Variants in FHIP1A observed in about 807,000 individuals in gnomAD.
FHIP1A encodes FHF complex subunit HOOK-interacting protein 1A.
Under a neutral mutation model 88.6 loss-of-function variants are expected in FHIP1A, and 61 were observed. The observed-to-expected ratio is 0.69, with a 90% CI of 0.56 to 0.85. FHIP1A has a LOEUF of 0.85. Among genes scored for constraint, FHIP1A ranks in the 40% least tolerant of loss-of-function variants. FHIP1A has a pLI of 0.00. For synonymous variants in FHIP1A, 478 were observed against 496.0 expected (o/e 0.96, Z 0.48); for missense variants, 1,154 against 1,273.5 (o/e 0.91, Z 1.43).
In FHIP1A at chr4:151,656,709, G is replaced by A; in HGVS notation, c.2731-51G>A. 6.6e-7 allele frequency: 1 copy of A among 1,520,096 alleles called. No individual in the cohort carries two copies. The highest frequency in any genetic ancestry group is 2.5e-5 in the East Asian group (1 of 40,596). The allele number at this position is 1,520,096 out of a possible 1,614,324, so 94.2% of individuals were successfully genotyped here. ...ACCTGCAAGATATATTGATAACTGG[G>A]AGTGGAATTTCATGGTGAGGCATTA... is the stretch of plus-strand genomic sequence containing the variant. On this transcript the variant is annotated intron_variant, in intron 12 of 13. Transcript: ENST00000435205. The surrounding 1 kb of genome is among the most constrained non-coding windows in gnomAD (Gnocchi z 4.2).
intron 2 of FHIP1A, among the ~76,000 whole-genome samples, chr4:151,468,791 C>T (rs1024671026): frequency 6.6e-6 from 1 of 151,360 alleles, no homozygotes; most frequent in African/African-American, 2.4e-5. Context: ...AATTATAGAC[C>T]TTTCAGCCGC....
chr4:151,620,284 C>G (rs1375855158), intron 7 of FHIP1A, among the ~76,000 whole-genome samples: 1 of 152,196 alleles, frequency 6.6e-6, no homozygotes, highest in African/African-American at 2.4e-5. Context: ...CTGTGTCCAC[C>G]CACAGGAAGA....
chr4:151,498,831 T>C (rs116328985), intron 3 of FHIP1A, among the ~76,000 whole-genome samples: 2,199 of 152,082 alleles, frequency 0.014, 49 homozygotes, highest in African/African-American at 0.051. Flanking sequence ...AGAAAAAAAA[T>C]ATATGAAATA....
At chr4:151,476,695 G>C (rs1729721080) in intron 2 of FHIP1A, among the ~76,000 whole-genome samples, 1 of 152,014 alleles carries the variant, frequency 6.6e-6, no homozygotes, top group Non-Finnish European at 1.5e-5. Context: ...TCAGAAAGGA[G>C]GTAAATGAAT....
intron 1 of FHIP1A, among the ~76,000 whole-genome samples, chr4:151,427,790 A>G (rs1733441456): frequency 6.6e-6 from 1 of 152,150 alleles, no homozygotes; most frequent in Non-Finnish European, 1.5e-5. Flanking sequence ...ATACAGATAT[A>G]AAATGACTTT....
chr4:151,522,423 T>G (rs914198124), intron 3 of FHIP1A, among the ~76,000 whole-genome samples: 4 of 152,236 alleles, frequency 2.6e-5, no homozygotes, highest in African/African-American at 9.6e-5. Context: ...TGAAATGATT[T>G]CTCCTTTCTC....
At chr4:151,619,864 G>C (rs760130070) in intron 7 of FHIP1A, among the ~76,000 whole-genome samples, 6 of 152,120 alleles carry the variant, frequency 3.9e-5, no homozygotes, top group Non-Finnish European at 8.8e-5. Context: ...TTACATTACA[G>C]AAAACTCCCT....
chr4:151,424,957 T>G (rs188203234), intron 1 of FHIP1A, among the ~76,000 whole-genome samples: 1 of 152,340 alleles, frequency 6.6e-6, no homozygotes, highest in African/African-American at 2.4e-5. Flanking sequence ...ATAATAGATT[T>G]AGAGAATGGA....
At chr4:151,638,515 T>C (rs762194433) in intron 8 of FHIP1A, among the ~76,000 whole-genome samples, 162 bp from the exon 9 acceptor site, 1 of 151,674 alleles carries the variant, frequency 6.6e-6, no homozygotes, top group African/African-American at 2.4e-5. Context: ...AGAATTGATA[T>C]CCTGAATACA....
chr4:151,645,765 A>G (rs1242008909), intron 9 of FHIP1A, among the ~76,000 whole-genome samples: 3 of 151,928 alleles, frequency 2.0e-5, no homozygotes, highest in Non-Finnish European at 4.4e-5. Flanking sequence ...AAGTCATTTA[A>G]ACACACTTTA....
At chr4:151,619,961 G>A (rs1735674185) in intron 7 of FHIP1A, among the ~76,000 whole-genome samples, 1 of 152,078 alleles carries the variant, frequency 6.6e-6, no homozygotes, top group Non-Finnish European at 1.5e-5. Flanking sequence ...TGCAAAGGAA[G>A]CAGGGAAATG....
chr4:151,650,493 A>ATGCC lies in FHIP1A; in HGVS notation c.2456_2459dup (p.Val821CysfsTer14). The ATGCC allele has an allele frequency of 6.4e-7, 1 of 1,551,566 alleles. No homozygotes were observed. Among genetic ancestry groups the ATGCC allele is most frequent in the Non-Finnish European group, 8.7e-7 (1 of 1,147,048 alleles). ...TGACTTTGACTCTTTTATAGCGGAG[A>ATGCC]TGCCTGCTGTAGAGACTGTGCCTTC... On this transcript the variant is annotated frameshift_variant, in exon 11 of 14. Transcript: ENST00000435205. LOFTEE classifies it high-confidence loss of function.
rs576640553 is a variant in FHIP1A, at chr4:151,494,945, T to C, written c.-123+12297T>C. ...GGTATTTTTCTTTTTGTGGCTATTG[T>C]GAATGGCATTGTATTCTTGCTTTGG... On this transcript the variant is annotated intron_variant, in intron 3 of 13. Coordinates refer to ENST00000435205, the MANE Select transcript of FHIP1A (RefSeq NM_001109977.3). Among the ~76,000 whole-genome samples, 4 of 152,352 alleles carry C rather than the reference T, an allele frequency of 2.6e-5. No homozygotes were observed. In the East Asian group the frequency reaches 7.7e-4, roughly 29 times the overall value.
At chr4:151,509,977 C>G (rs1031453002) in intron 3 of FHIP1A, among the ~76,000 whole-genome samples, 2 of 152,158 alleles carry the variant, frequency 1.3e-5, no homozygotes, top group Non-Finnish European at 2.9e-5. Flanking sequence ...AGGTCCTGGA[C>G]AGGGTTGGAA....
At chr4:151,500,659 G>A (rs1390573585) in intron 3 of FHIP1A, among the ~76,000 whole-genome samples, 2 of 152,112 alleles carry the variant, frequency 1.3e-5, no homozygotes, top group African/African-American at 4.8e-5. Context: ...CATTGTAACT[G>A]CTATTGAAGC....
intron 1 of FHIP1A, among the ~76,000 whole-genome samples, chr4:151,413,485 C>A (rs937690154): frequency 3.3e-5 from 5 of 152,050 alleles, no homozygotes; most frequent in African/African-American, 4.8e-5. Context: ...GGCAGAGTCT[C>A]GCTCTGTTGC....
intron 9 of FHIP1A, among the ~76,000 whole-genome samples, chr4:151,640,159 G>A (rs572502161): frequency 5.3e-5 from 8 of 152,268 alleles, no homozygotes; most frequent in African/African-American, 1.9e-4. Flanking sequence ...AACAAATTCC[G>A]GGGGATTCTG....
intron 7 of FHIP1A, among the ~76,000 whole-genome samples, chr4:151,604,601 C>A (rs1269623806): frequency 6.6e-6 from 1 of 152,144 alleles, no homozygotes; most frequent in African/African-American, 2.4e-5. Context: ...GTAATCCCAG[C>A]ACTTCGGGAG....
At chr4:151,543,190 C>G (rs1220190663) in intron 3 of FHIP1A, among the ~76,000 whole-genome samples, 5 of 152,164 alleles carry the variant, frequency 3.3e-5, no homozygotes, top group African/African-American at 9.7e-5. Context: ...CTTGCTTAAC[C>G]TCATCCAGCA....
Sources: gnomAD v4.1 joint callset for allele counts (sites outside exome capture counted in the v4.1 genomes callset) on GRCh38, gnomAD v4.1.1 for gene constraint, Gnocchi (gnomAD v3.1) non-coding constraint, MANE v1.5 for transcripts, NCBI Gene and HGNC (gene_info 2026-07-23, HGNC 2026-07-21) for gene names.